Variants in PIK3AP1 observed in about 807,000 individuals in gnomAD.
PIK3AP1 encodes the protein phosphoinositide 3-kinase adapter protein 1.
A neutral mutation model predicts 88.1 loss-of-function variants in PIK3AP1; 21 were observed. That is an observed-to-expected ratio of 0.24 (90% CI 0.17 to 0.34). PIK3AP1 has a LOEUF of 0.34. Ranked by LOEUF, PIK3AP1 falls within the 10% of genes least tolerant of loss-of-function variation. PIK3AP1 has a pLI of 1.00. For missense variants in PIK3AP1, 828 were observed against 1,035.7 expected, an observed-to-expected ratio of 0.80 and a Z score of 2.75; for synonymous variants, 398 against 400.0, an observed-to-expected ratio of 1.00 and a Z score of 0.06.
intron 8 of PIK3AP1, among the ~76,000 whole-genome samples, chr10:96,644,073 G>T (rs906375358): frequency 4.6e-5 from 7 of 152,200 alleles, no homozygotes; most frequent in Non-Finnish European, 8.8e-5. Context: ...CGTGCGTGGA[G>T]ATCAGATCCA....
chr10:96,660,180 C>T (rs1272811944), intron 2 of PIK3AP1, among the ~76,000 whole-genome samples: 7 of 151,952 alleles, frequency 4.6e-5, no homozygotes, highest in African/African-American at 1.2e-4. Context: ...CAGAGATAAG[C>T]GATCGTCTGG....
chr10:96,603,454 C>T (rs868124096), intron 15 of PIK3AP1, among the ~76,000 whole-genome samples: 25 of 152,150 alleles, frequency 1.6e-4, no homozygotes, highest in Admixed American at 1.6e-3. Context: ...ACCATCTAGT[C>T]AGCTGCCAGC....
chr10:96,642,035 G>A (rs761239609), intron 8 of PIK3AP1, among the ~76,000 whole-genome samples: 1 of 152,140 alleles, frequency 6.6e-6, no homozygotes, highest in Non-Finnish European at 1.5e-5. Context: ...GGAGGTAAGC[G>A]ATCATTCTCA....
chr10:96,637,644 G>A (rs549096160), intron 8 of PIK3AP1, among the ~76,000 whole-genome samples: 83 of 152,154 alleles, frequency 5.5e-4, no homozygotes, highest in African/African-American at 2.0e-3. Context: ...GCCACCATGC[G>A]TGGCCTATGA....
At chr10:96,652,644 A>G in intron 4 of PIK3AP1, 54 bp downstream of exon 4, 3 of 1,592,388 alleles carry the variant, frequency 1.9e-6, no homozygotes, top group Non-Finnish European at 2.6e-6. Flanking sequence ...TGGTGACAGC[A>G]TAGCAAATAA....
intron 12 of PIK3AP1, 62 bp from the exon 13 acceptor site, chr10:96,616,773 A>C (rs1849221994): frequency 2.7e-6 from 4 of 1,473,284 alleles, no homozygotes; most frequent in East Asian, 4.5e-5. Context: ...TGGACATGAG[A>C]GTTTCTTTCA....
At chr10:96,641,244 G>T (rs1034368974) in intron 8 of PIK3AP1, among the ~76,000 whole-genome samples, 2 of 151,954 alleles carry the variant, frequency 1.3e-5, no homozygotes, top group Non-Finnish European at 2.9e-5. Flanking sequence ...ATTAACACTG[G>T]GAGCTTCCCC....
intron 12 of PIK3AP1, chr10:96,619,439 G>A (rs571933606): frequency 5.3e-5 from 8 of 152,244 alleles, no homozygotes; most frequent in African/African-American, 9.7e-5. Flanking sequence ...AAGCAGGGTC[G>A]GGCCTGGCTA....
chr10:96,674,366 A>G (rs1395502875), intron 2 of PIK3AP1, among the ~76,000 whole-genome samples: 2 of 152,200 alleles, frequency 1.3e-5, no homozygotes, highest in African/African-American at 4.8e-5. Flanking sequence ...CTAAGCTTCA[A>G]TTTCCTCTCC....
intron 2 of PIK3AP1, among the ~76,000 whole-genome samples, chr10:96,707,666 C>A (rs1232790466): frequency 1.3e-5 from 2 of 152,142 alleles, no homozygotes; most frequent in Non-Finnish European, 1.5e-5. Flanking sequence ...GGCAATACAT[C>A]CATGGTGGGT....
chr10:96,677,602 C>CACAT (rs1421141896), intron 2 of PIK3AP1, among the ~76,000 whole-genome samples: 2 of 151,660 alleles, frequency 1.3e-5, no homozygotes, highest in Admixed American at 6.6e-5. Flanking sequence ...CACACACACA[C>CACAT]ACACACACAC....
chr10:96,679,656 G>C (rs1303623416), intron 2 of PIK3AP1, among the ~76,000 whole-genome samples: 1 of 152,134 alleles, frequency 6.6e-6, no homozygotes, highest in Non-Finnish European at 1.5e-5. Context: ...AAACATTAAG[G>C]ACATTTATCT....
chr10:96,696,558 C>G (rs1339762241), intron 2 of PIK3AP1, among the ~76,000 whole-genome samples: 1 of 152,172 alleles, frequency 6.6e-6, no homozygotes, highest in African/African-American at 2.4e-5. Flanking sequence ...GCGAAAACAT[C>G]CTGTAATAAC....
intron 6 of PIK3AP1, 77 bp downstream of exon 6, chr10:96,651,171 G>C (rs1375761503): frequency 1.3e-5 from 21 of 1,567,282 alleles, no homozygotes; most frequent in Non-Finnish European, 1.7e-5. Context: ...AGGTAAACGC[G>C]TATGTTGATG....
chr10:96,598,041 G>T (rs143921241), intron 16 of PIK3AP1, among the ~76,000 whole-genome samples: 1,436 of 107,424 alleles, frequency 0.013, 26 homozygotes, highest in African/African-American at 0.042. Context: ...TTGTTTTTTT[G>T]TTGTTTTTTT....
At chr10:96,623,927 C>T (rs1050905801) in intron 10 of PIK3AP1, among the ~76,000 whole-genome samples, 1 of 152,170 alleles carries the variant, frequency 6.6e-6, no homozygotes, top group African/African-American at 2.4e-5. Context: ...AGCAGTAGAA[C>T]AGCAAAATGT....
chr10:96,673,503 C>T (rs143744639), intron 2 of PIK3AP1, among the ~76,000 whole-genome samples: 2 of 152,174 alleles, frequency 1.3e-5, no homozygotes, highest in African/African-American at 2.4e-5. Flanking sequence ...CACAGCCCCC[C>T]CCGAAAGGCT....
At chr10:96,606,209 C>A (rs921390223) in intron 14 of PIK3AP1, among the ~76,000 whole-genome samples, 1 of 152,208 alleles carries the variant, frequency 6.6e-6, no homozygotes, top group Non-Finnish European at 1.5e-5. Flanking sequence ...CTCCTGTCCA[C>A]AAGTCTAAAA....
intron 2 of PIK3AP1, among the ~76,000 whole-genome samples, chr10:96,674,630 G>C (rs1843892096): frequency 6.6e-6 from 1 of 152,220 alleles, no homozygotes; most frequent in African/African-American, 2.4e-5. Flanking sequence ...CTTCTTGCAT[G>C]AATGGATGAA....
Sources: gnomAD v4.1 joint callset for allele counts (sites outside exome capture counted in the v4.1 genomes callset) on GRCh38, gnomAD v4.1.1 for gene constraint, MANE v1.5 for transcripts, NCBI Gene and HGNC (gene_info 2026-07-23, HGNC 2026-07-21) for gene names.